The following CLTB variants were observed in gnomAD, a reference collection of about 807,000 sequenced individuals.
The protein encoded by CLTB is clathrin, light chain (Lcb).
Under a neutral mutation model 30.5 loss-of-function variants are expected in CLTB, and 10 were observed. The observed-to-expected ratio is 0.33, with a 90% CI of 0.20 to 0.56. The LOEUF is 0.56. Among genes scored for constraint, CLTB ranks in the 20% least tolerant of loss-of-function variants. The pLI is 0.91. For synonymous variants in CLTB, 102 were observed against 120.3 expected (o/e 0.85, Z 1.00); for missense variants, 261 against 308.3 (o/e 0.85, Z 1.15).
At position 176,396,990 on chromosome 5, in the gene CLTB, C is replaced by G. The variant is rs574187175; in HGVS notation, c.465-458G>C. 8.5e-5 allele frequency among the ~76,000 whole-genome samples: 13 copies of G among 152,254 alleles called. No individual in the cohort carries two copies. In the East Asian group the frequency reaches 2.5e-3, roughly 29 times the overall value. On this transcript the variant is annotated intron_variant, in intron 4 of 5. Coordinates refer to ENST00000310418, the MANE Select transcript of CLTB (RefSeq NM_007097.5). ...TTTTCCTCCTAGTCATCTTCCAAAG[C>G]CCAAGTCCCAAGACACAGAGGTCTC...
intron 2 of CLTB, among the ~76,000 whole-genome samples, chr5:176,403,007 C>T (rs1343464887): frequency 6.6e-6 from 1 of 151,022 alleles, no homozygotes; most frequent in Non-Finnish European, 1.5e-5. Context: ...CTCTTTTCAT[C>T]TGTATCCTTC....
intron 2 of CLTB, among the ~76,000 whole-genome samples, chr5:176,404,597 CCCCACGGTGTCCTGCCCCAGT>C (rs1757009131): frequency 6.6e-6 from 1 of 152,214 alleles, no homozygotes; most frequent in South Asian, 2.1e-4. Flanking sequence ...GAAACTCAGC[CCCCACGGTGTCCTGCCCCAGT>C]CCCAAGGTGC....
At chr5:176,406,435 C>T in intron 2 of CLTB, 1 of 1,167,016 alleles carries the variant, frequency 8.6e-7, no homozygotes, top group Non-Finnish European at 1.1e-6. Context: ...CCAGGGATGG[C>T]CAAGAGGATG....
Position 176,416,319 on chromosome 5 carries a change from G to A in CLTB, c.45C>T (p.Ala15=). The change falls in exon 1 of 6, where the codon GCC becomes GCT. Residue 15 remains alanine, a synonymous_variant. Coordinates refer to ENST00000310418, the MANE Select transcript of CLTB (RefSeq NM_007097.5). ...CCGGGTCCTCCTCCGCCGCCTCCGG[G>A]GCACCGCTCTCCGACGACGAGAAGA... The part of the protein sequence containing the change: ...FGFFSSSESG[A]PEAAEEDPAA... 6.2e-7 allele frequency: 1 copy of A among 1,603,064 alleles called. No individual in the cohort carries two copies. The highest frequency in any genetic ancestry group is 2.3e-5 in the East Asian group (1 of 43,222).
chr5:176,394,904 CA>C (rs1756445405), intron 5 of CLTB, among the ~76,000 whole-genome samples: 1 of 152,162 alleles, frequency 6.6e-6, no homozygotes, highest in Non-Finnish European at 1.5e-5. Flanking sequence ...TCAGGCTCAA[CA>C]GAAGCATCGA....
At chr5:176,413,624 G>A (rs1355360919) in intron 1 of CLTB, among the ~76,000 whole-genome samples, 1 of 152,342 alleles carries the variant, frequency 6.6e-6, no homozygotes, top group Non-Finnish European at 1.5e-5. Context: ...ACTGACTGGC[G>A]GCCGCTGCTA....
chr5:176,401,777 C>A (rs747532701), intron 2 of CLTB: 2 of 456,188 alleles, frequency 4.4e-6, no homozygotes, highest in Non-Finnish European at 8.8e-6. Flanking sequence ...AACAATTTCC[C>A]GAGGGTGCTG....
At position 176,392,718 on chromosome 5, in the gene CLTB, GCTC is replaced by G; in HGVS notation, c.*53_*55del. 1 of 1,590,778 alleles carries G rather than the reference GCTC, an allele frequency of 6.3e-7. No individual in the cohort carries two copies. The highest frequency in any genetic ancestry group is 8.6e-7 in the Non-Finnish European group (1 of 1,162,950). On this transcript the variant is annotated 3_prime_UTR_variant, in exon 6 of 6. Transcript: ENST00000310418. The surrounding 1 kb of genome is among the most constrained non-coding windows in gnomAD (Gnocchi z 5.2). Reference sequence around the variant, plus strand: ...AGTCTCCACCCCGACCAAAGCAGCTGCTCCTCCTGTGCCCAGGCCCAGCCCATG... The same window carrying G: ...AGTCTCCACCCCGACCAAAGCAGCTGCTCCTGTGCCCAGGCCCAGCCCATG...
At chr5:176,397,813 G>C in intron 3 of CLTB, 95 bp from the exon 4 acceptor site, 1 of 1,486,102 alleles carries the variant, frequency 6.7e-7, no homozygotes, top group Non-Finnish European at 9.4e-7. Flanking sequence ...CAGCCACAGG[G>C]CCGCACCGGC....
At chr5:176,398,900 T>C (rs1431478822) in intron 2 of CLTB, among the ~76,000 whole-genome samples, 5 of 151,678 alleles carry the variant, frequency 3.3e-5, no homozygotes, top group Non-Finnish European at 4.4e-5. Context: ...TGGAGTGCAA[T>C]GGTGCAATGT....
chr5:176,408,536 CA>C (rs1757252295), intron 2 of CLTB, among the ~76,000 whole-genome samples: 2 of 143,894 alleles, frequency 1.4e-5, no homozygotes, highest in South Asian at 4.4e-4. Flanking sequence ...AACTCCATCT[CA>C]GGAAAAAAAA....
rs539521155 is a variant in CLTB at position 176,399,096 on chromosome 5, G to A, written c.235-1049C>T. ...CGACCTCAGGTGATCCACCGGCCTC[G>A]GCCTCCCCAAGTGCTGGGATTACAG... On this transcript the variant is annotated intron_variant, in intron 2 of 5. Coordinates refer to ENST00000310418, the MANE Select transcript of CLTB (RefSeq NM_007097.5). 3.3e-5 allele frequency among the ~76,000 whole-genome samples: 5 copies of A among 152,052 alleles called. No homozygotes were observed. In the South Asian group the frequency reaches 6.3e-4, roughly 19 times the overall value.
intron 2 of CLTB, chr5:176,406,010 G>A: frequency 1.5e-5 from 5 of 335,402 alleles, no homozygotes; most frequent in Non-Finnish European, 2.1e-5. Context: ...GGAGAGCACA[G>A]TGGTGCTGCT....
chr5:176,394,602 G>A (rs1302368565), intron 5 of CLTB, among the ~76,000 whole-genome samples: 4 of 147,274 alleles, frequency 2.7e-5, no homozygotes, highest in Admixed American at 1.3e-4. Flanking sequence ...CGGATCACGA[G>A]GTCAGATGGA....
At chr5:176,396,932 A>G (rs1266132432) in intron 4 of CLTB, among the ~76,000 whole-genome samples, 1 of 151,772 alleles carries the variant, frequency 6.6e-6, no homozygotes, top group East Asian at 1.9e-4. Flanking sequence ...CCAGGTCTAG[A>G]ATGCCCCCCT....
chr5:176,414,477 G>A (rs1472043306), intron 1 of CLTB, among the ~76,000 whole-genome samples: 2 of 150,226 alleles, frequency 1.3e-5, no homozygotes, highest in East Asian at 1.9e-4. Flanking sequence ...TGCTGCCCAG[G>A]CTGGAGTACA....
At chr5:176,414,252 G>A (rs1488189305) in intron 1 of CLTB, among the ~76,000 whole-genome samples, 3 of 152,244 alleles carry the variant, frequency 2.0e-5, no homozygotes, top group Non-Finnish European at 2.9e-5. Flanking sequence ...AGTGAATACT[G>A]GTGCATTAAC....
At position 176,396,537 on chromosome 5, in the gene CLTB, A is replaced by G; in HGVS notation, c.465-5T>C. ...TAGAATGCTTTGTCAGCGATCCTTG[A>G]GGGAAAGGTTGAGGGAAGGGGTTAG... is the stretch of plus-strand genomic sequence containing the variant. On this transcript the variant is annotated splice_polypyrimidine_tract_variant and splice_region_variant and intron_variant, in intron 4 of 5. Coordinates refer to ENST00000310418, the MANE Select transcript of CLTB (RefSeq NM_007097.5). 6.2e-7 allele frequency: 1 copy of G among 1,612,608 alleles called. No individual in the cohort carries two copies. The highest frequency in any genetic ancestry group is 1.1e-5 in the South Asian group (1 of 90,744).
rs1213303309 is a variant in CLTB, at chr5:176,397,920, C to T, written c.352+10G>A. 2.5e-6 allele frequency: 4 copies of T among 1,612,280 alleles called. No homozygotes were observed. Among genetic ancestry groups the T allele is most frequent in the South Asian group, 1.1e-5 (1 of 91,048 alleles). ...CCACCCAGCCAACCCCGCCTCAGCC[C>T]CGCCCTCACCCAGCTCTTGCAGCCG... On this transcript the variant is annotated intron_variant, in intron 3 of 5. Coordinates refer to ENST00000310418, the MANE Select transcript of CLTB (RefSeq NM_007097.5).
Sources: allele counts gnomAD v4.1 joint callset (sites outside exome capture counted in the v4.1 genomes callset), GRCh38; gene constraint gnomAD v4.1.1; non-coding constraint Gnocchi (gnomAD v3.1); transcripts MANE v1.5; gene names NCBI Gene and HGNC (gene_info 2026-07-23, HGNC 2026-07-21).